The following NRXN1 variants were observed in gnomAD, a reference collection of about 807,000 sequenced individuals.
NRXN1 encodes the protein neurexin-1.
In NRXN1, 39 loss-of-function variants were observed where a neutral mutation model predicts 150.9. That is an observed-to-expected ratio of 0.26 (90% CI 0.20 to 0.34). The LOEUF is 0.34. NRXN1 is among the 10% of genes least tolerant of loss of function. NRXN1 has a pLI of 1.00. For missense variants in NRXN1, 1,815 were observed against 1,949.9 expected, an observed-to-expected ratio of 0.93 and a Z score of 1.30; for synonymous variants, 924 against 757.0, an observed-to-expected ratio of 1.22 and a Z score of -3.62.
intron 3 of NRXN1, among the ~76,000 whole-genome samples, 178 bp from the exon 4 acceptor site, chr2:50,922,865 G>C (rs1686265941): frequency 6.6e-6 from 1 of 151,864 alleles, no homozygotes; most frequent in Non-Finnish European, 1.5e-5. Context: ...TTGGGGCAAA[G>C]TGTTCTAGAA....
intron 17 of NRXN1, among the ~76,000 whole-genome samples, chr2:50,244,158 T>G (rs2152889771): frequency 6.6e-6 from 1 of 152,070 alleles, no homozygotes; most frequent in Admixed American, 6.6e-5. Context: ...CACATTTTGA[T>G]GTTTATAAAA....
chr2:50,119,849 TC>T (rs1461240171), intron 18 of NRXN1, among the ~76,000 whole-genome samples: 2 of 152,184 alleles, frequency 1.3e-5, no homozygotes, highest in African/African-American at 2.4e-5. Flanking sequence ...TAATTTTTTT[TC>T]CCAACAGTAT....
chr2:50,644,554 G>A (rs1397706973), intron 5 of NRXN1, among the ~76,000 whole-genome samples: 1 of 151,426 alleles, frequency 6.6e-6, no homozygotes, highest in Non-Finnish European at 1.5e-5. Context: ...ACATCCTGAT[G>A]GACGGCTATG....
chr2:50,469,292 G>A (rs1477304447), intron 16 of NRXN1, among the ~76,000 whole-genome samples: 1 of 151,596 alleles, frequency 6.6e-6, no homozygotes, highest in Non-Finnish European at 1.5e-5. Context: ...TACTCTAGCT[G>A]AGGTGAATTT....
chr2:50,167,802 T>C (rs1282422978), intron 18 of NRXN1, among the ~76,000 whole-genome samples: 2 of 152,176 alleles, frequency 1.3e-5, no homozygotes, highest in Admixed American at 6.6e-5. Context: ...TTGTTTATTG[T>C]GATAATTTCA....
At chr2:50,709,984 T>C (rs1694946621) in intron 5 of NRXN1, among the ~76,000 whole-genome samples, 1 of 152,162 alleles carries the variant, frequency 6.6e-6, no homozygotes, top group African/African-American at 2.4e-5. Context: ...CTATTACTGC[T>C]CAATGAGTGA....
At position 50,610,662 on chromosome 2, in the gene NRXN1, T is replaced by TACA. The variant is rs1416516883; in HGVS notation, c.1320+9359_1320+9360insTGT. Among the ~76,000 whole-genome samples the TACA allele has an allele frequency of 3.8e-4, 47 of 125,306 alleles. 1 individual carries two copies. The highest frequency in any genetic ancestry group is 7.0e-4 in the Non-Finnish European group (42 of 59,652). The allele number at this position is 125,306 out of a possible 152,430, so 82.2% of individuals were successfully genotyped here. ...AGATACATATATATATATATATATA[T>TACA]ATATATATATATATATCTGTACAAA... On this transcript the variant is annotated intron_variant, in intron 8 of 22. Coordinates refer to ENST00000401669, the MANE Select transcript of NRXN1 (RefSeq NM_001330078.2).
intron 17 of NRXN1, among the ~76,000 whole-genome samples, chr2:50,457,724 T>C (rs1349418577): frequency 1.3e-5 from 2 of 152,104 alleles, no homozygotes; most frequent in Non-Finnish European, 2.9e-5. Context: ...TTGATATCAC[T>C]AATCATCAGA....
intron 2 of NRXN1, 46 bp from the exon 3 acceptor site, chr2:50,926,001 T>A: frequency 6.6e-7 from 1 of 1,514,600 alleles, no homozygotes; most frequent in Non-Finnish European, 9.0e-7. Context: ...AAACATTCAT[T>A]AAGCAGCATG....
intron 5 of NRXN1, among the ~76,000 whole-genome samples, chr2:50,683,958 C>A (rs952887158): frequency 6.6e-6 from 1 of 151,908 alleles, no homozygotes; most frequent in Non-Finnish European, 1.5e-5. Flanking sequence ...TCTGTAAATA[C>A]ATCTTCCCTA....
intron 5 of NRXN1, among the ~76,000 whole-genome samples, chr2:50,628,427 T>C (rs1362506676): frequency 6.6e-6 from 1 of 151,780 alleles, no homozygotes; most frequent in Non-Finnish European, 1.5e-5. Context: ...ATGCCATAAA[T>C]GGGACATAAA....
At position 50,981,819 on chromosome 2, in the gene NRXN1, A is replaced by ATG. The variant is rs57306719; in HGVS notation, c.772+45681_772+45682dup. On this transcript the variant is annotated intron_variant, in intron 2 of 22. Transcript: ENST00000401669. ...AGCCTAATAATTGTTTGAATAAACA[A>ATG]TGTGTGTGTGTGTGTGTGTGTGTAT... 7.6e-3 allele frequency among the ~76,000 whole-genome samples: 1,137 copies of ATG among 149,220 alleles called. 8 individuals carry two copies. The highest frequency in any genetic ancestry group is 0.02 in the African/African-American group (802 of 40,538).
intron 8 of NRXN1, among the ~76,000 whole-genome samples, chr2:50,581,878 T>C (rs1414060973): frequency 6.6e-6 from 1 of 152,166 alleles, no homozygotes; most frequent in African/African-American, 2.4e-5. Flanking sequence ...ATGCCATGTA[T>C]ATAAACTAGG....
intron 13 of NRXN1, among the ~76,000 whole-genome samples, chr2:50,504,179 C>T (rs983772338): frequency 2.1e-5 from 3 of 145,354 alleles, no homozygotes; most frequent in Admixed American, 6.8e-5. Flanking sequence ...CCCTAGACTG[C>T]GCACTGTGCT....
intron 2 of NRXN1, among the ~76,000 whole-genome samples, chr2:50,978,277 T>TATATATATATATATA (rs1350337863): frequency 3.1e-5 from 1 of 32,544 alleles, no homozygotes; most frequent in African/African-American, 1.1e-4. Flanking sequence ...TATACATATA[T>TATATATATATATATA]ATATATATAT....
intron 17 of NRXN1, among the ~76,000 whole-genome samples, chr2:50,415,722 A>G (rs1484907529): frequency 6.6e-6 from 1 of 152,086 alleles, no homozygotes; most frequent in African/African-American, 2.4e-5. Context: ...ACATCATCAT[A>G]AATATTGAGT....
At chr2:50,249,528 G>A (rs750484342) in intron 17 of NRXN1, among the ~76,000 whole-genome samples, 1 of 152,016 alleles carries the variant, frequency 6.6e-6, no homozygotes, top group Non-Finnish European at 1.5e-5. Context: ...CATTTACTAT[G>A]TATAAAGCAC....
At chr2:50,591,435 GA>G (rs1674222954) in intron 8 of NRXN1, among the ~76,000 whole-genome samples, 1 of 145,150 alleles carries the variant, frequency 6.9e-6, no homozygotes, top group African/African-American at 2.6e-5. Flanking sequence ...TAGATAGATA[GA>G]TAGATGTATA....
intron 19 of NRXN1, among the ~76,000 whole-genome samples, chr2:50,077,449 T>C (rs181357553): frequency 1.8e-4 from 26 of 141,696 alleles, no homozygotes; most frequent in African/African-American, 8.2e-4. Flanking sequence ...TCTGCCTTTC[T>C]TTTTTTACTA....
Sources: gnomAD v4.1 joint callset for allele counts (sites outside exome capture counted in the v4.1 genomes callset) on GRCh38, gnomAD v4.1.1 for gene constraint, MANE v1.5 for transcripts, NCBI Gene and HGNC (gene_info 2026-07-23, HGNC 2026-07-21) for gene names.